Variants in ITGA9 observed in about 807,000 individuals in gnomAD.
ITGA9 encodes integrin alpha-9.
A neutral mutation model predicts 127.8 loss-of-function variants in ITGA9; 56 were observed. That is an observed-to-expected ratio of 0.44 (90% CI 0.35 to 0.55). ITGA9 has a LOEUF of 0.55. Among genes scored for constraint, ITGA9 ranks in the 20% least tolerant of loss-of-function variants. The pLI, the probability that ITGA9 is intolerant of heterozygous loss-of-function variation, is 0.00. For synonymous variants in ITGA9, 508 were observed against 514.5 expected, an observed-to-expected ratio of 0.99 and a Z score of 0.17; for missense variants, 1,196 against 1,347.1, an observed-to-expected ratio of 0.89 and a Z score of 1.76.
intron 18 of ITGA9, among the ~76,000 whole-genome samples, chr3:37,729,975 T>C (rs531372829): frequency 4.9e-4 from 74 of 152,326 alleles, no homozygotes; most frequent in African/African-American, 1.6e-3. Flanking sequence ...GTGCTGGGAT[T>C]ACAGGCATGA....
At chr3:37,691,554 G>A (rs768648807) in intron 18 of ITGA9, among the ~76,000 whole-genome samples, 1 of 152,184 alleles carries the variant, frequency 6.6e-6, no homozygotes, top group Non-Finnish European at 1.5e-5. Context: ...GACTTTGGCA[G>A]CTAATTAAAA....
At chr3:37,752,666 G>A (rs1021371642) in intron 23 of ITGA9, among the ~76,000 whole-genome samples, 3 of 152,158 alleles carry the variant, frequency 2.0e-5, no homozygotes, top group South Asian at 4.1e-4. Context: ...CCCTACCTAC[G>A]GACCCACGTG....
intron 4 of ITGA9, among the ~76,000 whole-genome samples, chr3:37,483,387 T>C (rs2125559718): frequency 6.6e-6 from 1 of 152,238 alleles, no homozygotes; most frequent in South Asian, 2.1e-4. Flanking sequence ...CATTCTCTCA[T>C]CTAATCTTCC....
At chr3:37,723,348 A>G (rs951810142) in intron 18 of ITGA9, among the ~76,000 whole-genome samples, 1 of 151,456 alleles carries the variant, frequency 6.6e-6, no homozygotes, top group Non-Finnish European at 1.5e-5. Flanking sequence ...TACTTTTGTA[A>G]TTATTATTAT....
intron 15 of ITGA9, among the ~76,000 whole-genome samples, chr3:37,554,017 T>C (rs2125596073): frequency 6.6e-6 from 1 of 152,250 alleles, no homozygotes; most frequent in Non-Finnish European, 1.5e-5. Flanking sequence ...GTGCATTGCA[T>C]ACCTATTATG....
At chr3:37,731,091 A>C (rs1696285567) in intron 18 of ITGA9, among the ~76,000 whole-genome samples, 1 of 152,246 alleles carries the variant, frequency 6.6e-6, no homozygotes, top group Admixed American at 6.5e-5. Context: ...ATCCGGCAGA[A>C]TCACTAATTT....
chr3:37,818,542 C>T (rs1393048310), intron 27 of ITGA9: 14 of 317,020 alleles, frequency 4.4e-5, no homozygotes, highest in South Asian at 3.9e-4. Context: ...GGATTACAGG[C>T]GTGAGCCACT....
intron 17 of ITGA9, among the ~76,000 whole-genome samples, chr3:37,674,195 A>G (rs1700661381): frequency 6.6e-6 from 1 of 152,226 alleles, no homozygotes; most frequent in Non-Finnish European, 1.5e-5. Context: ...AGGCCCCCAG[A>G]CTGGCACTTT....
intron 5 of ITGA9, among the ~76,000 whole-genome samples, chr3:37,500,513 C>T (rs192524332): frequency 3.7e-4 from 56 of 152,276 alleles, no homozygotes; most frequent in African/African-American, 1.3e-3. Context: ...AAGGCTCTTC[C>T]CCAAATTAAC....
chr3:37,483,648 T>C (rs1363881127), intron 4 of ITGA9, among the ~76,000 whole-genome samples: 1 of 152,122 alleles, frequency 6.6e-6, no homozygotes, highest in Non-Finnish European at 1.5e-5. Context: ...GGAAGGGGCT[T>C]CCTCCACCTG....
chr3:37,575,218 G>T (rs956610164), intron 15 of ITGA9, among the ~76,000 whole-genome samples: 16 of 152,142 alleles, frequency 1.1e-4, no homozygotes, highest in Non-Finnish European at 2.2e-4. Flanking sequence ...ATTCTAGATT[G>T]TCCTGTTTGC....
chr3:37,704,470 G>A (rs1193479517), intron 18 of ITGA9, among the ~76,000 whole-genome samples: 1 of 152,248 alleles, frequency 6.6e-6, no homozygotes, highest in Non-Finnish European at 1.5e-5. Flanking sequence ...GGCTGGGAAG[G>A]TGGAAATAGC....
At chr3:37,653,182 A>C (rs946601032) in intron 16 of ITGA9, among the ~76,000 whole-genome samples, 1 of 152,234 alleles carries the variant, frequency 6.6e-6, no homozygotes, top group Non-Finnish European at 1.5e-5. Context: ...GTCTGTTGTG[A>C]TTCCCTCAGC....
intron 1 of ITGA9, 147 bp from the exon 2 acceptor site, chr3:37,470,860 C>T: frequency 1.3e-6 from 1 of 792,514 alleles, no homozygotes; most frequent in South Asian, 1.5e-5. Flanking sequence ...TAGGACCTCT[C>T]CCCCAAGCCC....
rs1700728683 is a variant in ITGA9, at chr3:37,680,926, C to CT, written c.1917-2937dup. ...GGAGGCCGTTCAAGAATTTGCAGCTCTTAAGTTAATTTTTCACATCTTGTT... is the reference window on the plus strand; with the variant it reads ...GGAGGCCGTTCAAGAATTTGCAGCTCTTTAAGTTAATTTTTCACATCTTGTT... On this transcript the variant is annotated intron_variant, in intron 17 of 27. Coordinates refer to ENST00000264741, the MANE Select transcript of ITGA9 (RefSeq NM_002207.3). 2.0e-5 allele frequency among the ~76,000 whole-genome samples: 3 copies of CT among 152,132 alleles called. 1 individual carries two copies. The highest frequency in any genetic ancestry group is 6.3e-3 in the Middle Eastern group (2 of 316).
At chr3:37,580,500 A>C (rs896009183) in intron 15 of ITGA9, among the ~76,000 whole-genome samples, 14 of 152,222 alleles carry the variant, frequency 9.2e-5, no homozygotes, top group African/African-American at 3.4e-4. Flanking sequence ...CTTCTAGGGA[A>C]AGGGGAAAAA....
At chr3:37,596,386 G>A (rs1290750731) in intron 15 of ITGA9, among the ~76,000 whole-genome samples, 1 of 152,178 alleles carries the variant, frequency 6.6e-6, no homozygotes, top group Non-Finnish European at 1.5e-5. Context: ...TTTTGGAGAA[G>A]GCTGATGGGC....
chr3:37,667,216 C>T (rs1700594265), intron 17 of ITGA9, among the ~76,000 whole-genome samples: 1 of 152,116 alleles, frequency 6.6e-6, no homozygotes, highest in South Asian at 2.1e-4. Flanking sequence ...GGCTTCTTCC[C>T]ATTAGCTTCC....
intron 1 of ITGA9, among the ~76,000 whole-genome samples, chr3:37,465,823 C>T (rs531562918): frequency 7.2e-5 from 11 of 152,262 alleles, no homozygotes; most frequent in African/African-American, 2.2e-4. Flanking sequence ...GGGGCTTGCT[C>T]AGGTGGGGAT....
Sources: gnomAD v4.1 joint callset for allele counts (sites outside exome capture counted in the v4.1 genomes callset) on GRCh38, gnomAD v4.1.1 for gene constraint, MANE v1.5 for transcripts, NCBI Gene and HGNC (gene_info 2026-07-23, HGNC 2026-07-21) for gene names.